Variants in NEB observed in about 807,000 individuals in gnomAD.
NEB encodes nemaline myopathy type 2.
In NEB, 512 loss-of-function variants were observed where a neutral mutation model predicts 952.2. The observed-to-expected ratio is 0.54, with a 90% confidence interval of 0.50 to 0.58. The LOEUF (loss-of-function observed/expected upper bound fraction) is 0.58, where lower values mean the gene tolerates loss of function less well. Among genes scored for constraint, NEB ranks in the 20% least tolerant of loss-of-function variants. The probability of loss-of-function intolerance (pLI) is 0.00; values close to 1 mark genes in which losing one functional copy is unlikely to be tolerated. For synonymous variants in NEB, 2,900 were observed against 3,149.8 expected (o/e 0.92, Z 2.66); for missense variants, 8,428 against 9,231.1 (o/e 0.91, Z 3.56).
chr2:151,591,944 G>A (rs1166756967), intron 95 of NEB, 90 bp downstream of exon 95: 1 of 1,492,168 alleles, frequency 6.7e-7, no homozygotes, highest in African/African-American at 1.4e-5. Context: ...GGAAGAAAAT[G>A]CCTTTTGACA....
chr2:151,642,517 G>A, intron 60 of NEB, 57 bp downstream of exon 60: 3 of 1,426,788 alleles, frequency 2.1e-6, no homozygotes, highest in African/African-American at 1.4e-5. Context: ...AAATCCAGGA[G>A]AGAGAAATAA....
intron 13 of NEB, among the ~76,000 whole-genome samples, chr2:151,698,445 G>C (rs2099613857): frequency 6.6e-6 from 1 of 152,018 alleles, no homozygotes; most frequent in African/African-American, 2.4e-5. Flanking sequence ...TTTATGGTTG[G>C]GGGGATTAAA....
chr2:151,644,592 A>T lies in NEB; in HGVS notation c.7537-17T>A. On this transcript the variant is annotated splice_polypyrimidine_tract_variant and intron_variant, in intron 55 of 181. Transcript: ENST00000397345. ...GTAGAGTTTCTGTTAAGAAATGAAGATCATTTTGGGAAATACTGTTCCCCA... is the reference window on the plus strand; with the variant it reads ...GTAGAGTTTCTGTTAAGAAATGAAGTTCATTTTGGGAAATACTGTTCCCCA... 1 of 1,590,464 alleles carries T rather than the reference A, an allele frequency of 6.3e-7. No individual in the cohort carries two copies. Among genetic ancestry groups the T allele is most frequent in the South Asian group, 1.1e-5 (1 of 90,668 alleles).
intron 33 of NEB, 27 bp downstream of exon 33, chr2:151,677,849 G>C (rs1159396889): frequency 6.2e-7 from 1 of 1,605,800 alleles, no homozygotes; most frequent in East Asian, 2.2e-5. Context: ...TAATAGGGGG[G>C]TTTCTTGAGA....
At chr2:151,501,287 G>T in intron 168 of NEB, 104 bp downstream of exon 168, 1 of 768,872 alleles carries the variant, frequency 1.3e-6, no homozygotes, top group African/African-American at 1.8e-5. Flanking sequence ...ATTAAAAAAA[G>T]ATTTTGTTAA....
chr2:151,684,931 C>T lies in NEB; in HGVS notation c.2682G>A (p.Thr894=). The T allele has an allele frequency of 1.9e-6, 3 of 1,612,682 alleles. No homozygotes were observed. Among genetic ancestry groups the T allele is most frequent in the Non-Finnish European group, 1.7e-6 (2 of 1,179,390 alleles). ...TGACTTGGAGCATATCAAGAGGTGC[C>T]GTGTAGATAGTTTTTGACTTTTCAT... The part of the protein sequence containing the change: ...KDYEKSKTIY[T]APLDMLQVTQ... The change falls in exon 28 of 182, where the codon ACG becomes ACA. Residue 894 remains threonine (T), a synonymous_variant. Transcript: ENST00000397345.
At chr2:151,547,272 C>T (rs1477874586) in intron 133 of NEB, among the ~76,000 whole-genome samples, 157 bp downstream of exon 133, 1 of 152,134 alleles carries the variant, frequency 6.6e-6, no homozygotes, top group Non-Finnish European at 1.5e-5. Context: ...AGAATTGTGG[C>T]ATCCTTCTCC....
intron 141 of NEB, among the ~76,000 whole-genome samples, chr2:151,536,737 T>G (rs1310861731): frequency 1.3e-5 from 2 of 152,230 alleles, no homozygotes; most frequent in Non-Finnish European, 2.9e-5. Context: ...AATTGCTTTA[T>G]GTTGTAAATA....
intron 106 of NEB, 122 bp downstream of exon 106, chr2:151,576,029 A>G (rs992731486): frequency 6.4e-6 from 5 of 778,196 alleles, no homozygotes; most frequent in Non-Finnish European, 9.9e-6. Flanking sequence ...ACAATACTGT[A>G]TTACTTAATA....
At chr2:151,569,172 T>C in intron 110 of NEB, 96 bp downstream of exon 110, 1 of 1,001,996 alleles carries the variant, frequency 1.0e-6, no homozygotes, top group Non-Finnish European at 1.5e-6. Context: ...ATTGAAATGG[T>C]TAAGATTGCT....
intron 42 of NEB, among the ~76,000 whole-genome samples, 174 bp downstream of exon 42, chr2:151,665,159 G>T (rs1019394932): frequency 6.6e-6 from 1 of 152,084 alleles, no homozygotes; most frequent in Non-Finnish European, 1.5e-5. Context: ...GATCTGAGGG[G>T]TCACTATGAA....
chr2:151,487,775 A>G (rs1210957921), intron 181 of NEB, among the ~76,000 whole-genome samples: 1 of 152,138 alleles, frequency 6.6e-6, no homozygotes, highest in Non-Finnish European at 1.5e-5. Context: ...ACATATATAT[A>G]TATGTATAAA....
intron 143 of NEB, among the ~76,000 whole-genome samples, chr2:151,532,624 T>C (rs957750520): frequency 1.9e-4 from 29 of 151,918 alleles, no homozygotes; most frequent in African/African-American, 6.3e-4. Flanking sequence ...AAACAGGATA[T>C]TTATAGGAGG....
intron 157 of NEB, among the ~76,000 whole-genome samples, chr2:151,515,413 A>C (rs115266621): frequency 1.3e-5 from 2 of 152,058 alleles, no homozygotes; most frequent in Admixed American, 1.3e-4. Flanking sequence ...GGGTCTTGCT[A>C]TGATGCCCAG....
rs185310037 is a variant in NEB at position 151,533,097 on chromosome 2, C to A, written c.21417+345G>T. The stretch of plus-strand genomic sequence containing the variant: ...AAACATTAAATATTCAGACCTTTTA[C>A]ATGCTGTTGAATCTACTTACTATCT... On this transcript the variant is annotated intron_variant, in intron 143 of 181. Coordinates refer to ENST00000397345, the MANE Select transcript of NEB (RefSeq NM_001164508.2). Among the ~76,000 whole-genome samples the A allele has an allele frequency of 1.4e-4, 21 of 152,334 alleles. 1 individual carries two copies. The East Asian group carries it at 2.7e-3, about 20-fold the overall frequency.
intron 127 of NEB, 60 bp downstream of exon 127, chr2:151,553,338 C>G (rs2095446498): frequency 7.2e-7 from 1 of 1,379,860 alleles, no homozygotes; most frequent in African/African-American, 1.4e-5. Context: ...ATAACCTCCT[C>G]TTAACTCTAG....
intron 127 of NEB, 81 bp downstream of exon 127, chr2:151,553,317 C>A: frequency 8.6e-7 from 1 of 1,161,410 alleles, no homozygotes. Context: ...GTGACAATGT[C>A]CCTATTTTAC....
chr2:151,712,887 G>GT (rs1361698919), intron 10 of NEB, among the ~76,000 whole-genome samples: 2 of 151,916 alleles, frequency 1.3e-5, no homozygotes, highest in Non-Finnish European at 2.9e-5. Flanking sequence ...ACACAACAGA[G>GT]TTGGAGAGAA....
Position 151,567,209 on chromosome 2 carries a change from C to T in NEB, c.18115G>A (p.Asp6039Asn), listed in dbSNP as rs377076154. The part of the protein sequence containing the change: ...HQWMCHPDQN[D>N]VIQARKAYDL... ...TAGGCCTTTCTTGCCTGAATAACAT[C>T]GTTCTGGTCAGGATGACACATCCAT... Residue 6039 changes from aspartate to asparagine, a missense_variant, in exon 114 of 182, where the codon GAT becomes AAT. By Grantham distance (23) the Asp-to-Asn change is conservative. Transcript: ENST00000397345. 29 of 1,612,140 alleles carry T rather than the reference C, an allele frequency of 1.8e-5. No homozygotes were observed. The highest frequency in any genetic ancestry group is 1.3e-4 in the South Asian group (12 of 90,872).
Sources: gnomAD v4.1 joint callset for allele counts (sites outside exome capture counted in the v4.1 genomes callset) on GRCh38, gnomAD v4.1.1 for gene constraint, MANE v1.5 for transcripts, NCBI Gene and HGNC (gene_info 2026-07-23, HGNC 2026-07-21) for gene names.